SLC12A5: variants seen among roughly 807,000 people sequenced by gnomAD.
SLC12A5 encodes K-Cl cotransporter 2.
Under a neutral mutation model 124.0 loss-of-function variants are expected in SLC12A5, and 18 were observed. The ratio of observed to expected loss-of-function variants is 0.15; its 90% confidence interval spans 0.10 to 0.22. The LOEUF is 0.22. SLC12A5 is among the 10% of genes least tolerant of loss of function. The probability of loss-of-function intolerance (pLI) is 1.00; values close to 1 mark genes in which losing one functional copy is unlikely to be tolerated. For missense variants in SLC12A5, 867 were observed against 1,478.7 expected, an observed-to-expected ratio of 0.59 and a Z score of 6.78; for synonymous variants, 589 against 568.0, an observed-to-expected ratio of 1.04 and a Z score of -0.53.
chr20:46,052,366 C>G (rs1482350947), intron 18 of SLC12A5, among the ~76,000 whole-genome samples: 1 of 152,226 alleles, frequency 6.6e-6, no homozygotes, highest in Admixed American at 6.5e-5. Context: ...ATTGTTATCT[C>G]CATCTTTTTT....
At position 46,053,411 on chromosome 20, in the gene SLC12A5, C is replaced by A. The variant is rs1265099881; in HGVS notation, c.2548-167C>A. Among the ~76,000 whole-genome samples, 1 of 152,182 alleles carries A rather than the reference C, an allele frequency of 6.6e-6. No homozygotes were observed. The stretch of plus-strand genomic sequence containing the variant: ...TTAATGGGGGACCCTCAGACCTAAG[C>A]AGGGAAGGTTTTGTAGAGAGTGGCC... On this transcript the variant is annotated intron_variant, in intron 19 of 25. Transcript: ENST00000243964. This position sits in a 1 kb window ranked among gnomAD's most constrained non-coding sequence, Gnocchi z 4.7.
chr20:46,052,289 A>T (rs1024204400), intron 18 of SLC12A5, among the ~76,000 whole-genome samples: 5 of 152,248 alleles, frequency 3.3e-5, no homozygotes, highest in African/African-American at 1.2e-4. Context: ...CGTTTCTAGA[A>T]TGAGTTCTGT....
chr20:46,058,997 C>A lies in SLC12A5; in HGVS notation c.*1392C>A. ...CCTGTCTGCTCTCCTCTAACTAGGA[C>A]CCAGGGCCTTTGGCTTCCCCAGCTC... On this transcript the variant is annotated 3_prime_UTR_variant, in exon 26 of 26. Transcript: ENST00000243964. The surrounding 1 kb of genome is among the most constrained non-coding windows in gnomAD (Gnocchi z 5.8). 5.7e-6 allele frequency: 2 copies of A among 350,632 alleles called. No homozygotes were observed. The highest frequency in any genetic ancestry group is 1.0e-5 in the Non-Finnish European group (2 of 196,840). The allele number at this position is 350,632 out of a possible 1,614,324, so 21.7% of individuals were successfully genotyped here. A position where few individuals can be genotyped will look rare whatever the true frequency, so the allele number is the denominator to read the frequency against.
At position 46,045,191 on chromosome 20, in the gene SLC12A5, GC is replaced by G. The variant is rs1409680712; in HGVS notation, c.1569+54del. On this transcript the variant is annotated intron_variant, in intron 12 of 25. Coordinates refer to ENST00000243964, the MANE Select transcript of SLC12A5 (RefSeq NM_020708.5). The surrounding 1 kb of genome is among the most constrained non-coding windows in gnomAD (Gnocchi z 4.9). The stretch of plus-strand genomic sequence containing the variant: ...CCCTCAGTAGACCAGCCAGGCCCCT[GC>G]CCAGAGAGACCACACAGTGACCCAG... The G allele has an allele frequency of 6.6e-7, 1 of 1,515,070 alleles. No homozygotes were observed. The allele number at this position is 1,515,070 out of a possible 1,614,324, so 93.9% of individuals were successfully genotyped here.
At chr20:46,039,948 G>A (rs969508647) in intron 6 of SLC12A5, among the ~76,000 whole-genome samples, 2 of 152,130 alleles carry the variant, frequency 1.3e-5, no homozygotes, top group African/African-American at 4.8e-5. Context: ...TTATTAAAAT[G>A]ATAAATAATT....
At chr20:46,052,437 C>T (rs8115080) in intron 18 of SLC12A5, among the ~76,000 whole-genome samples, 3 of 152,330 alleles carry the variant, frequency 2.0e-5, no homozygotes, top group Admixed American at 6.5e-5. Context: ...CGGTGGCTCA[C>T]GCCTGTAATC....
At chr20:46,023,190 C>T in intron 2 of SLC12A5, 1 of 397,864 alleles carries the variant, frequency 2.5e-6, no homozygotes, top group Non-Finnish European at 4.4e-6. Flanking sequence ...TTCCGAATGG[C>T]CCCAGTCCCG....
chr20:46,039,730 G>A (rs931315589), intron 6 of SLC12A5, among the ~76,000 whole-genome samples: 53 of 151,748 alleles, frequency 3.5e-4, no homozygotes, highest in African/African-American at 1.3e-3. Context: ...AGCCAAGATC[G>A]TGCCACTGCA....
Position 46,043,868 on chromosome 20 carries a change from T to C in SLC12A5, c.1337-8T>C, listed in dbSNP as rs374330170. The C allele has an allele frequency of 5.3e-5, 86 of 1,613,574 alleles. No individual in the cohort carries two copies. In the Middle Eastern group the frequency reaches 6.6e-4, roughly 12 times the overall value. On this transcript the variant is annotated splice_region_variant and splice_polypyrimidine_tract_variant and intron_variant, in intron 10 of 25. Transcript: ENST00000243964. ...ACCGTGGGGATTCTCCTTTATCCTC[T>C]GCTGCAGACATCAGCTCCGTTGTTC...
At position 46,047,445 on chromosome 20, in the gene SLC12A5, C is replaced by T. The variant is rs773585521; in HGVS notation, c.1788-9C>T. The stretch of plus-strand genomic sequence containing the variant: ...GGGCTCAGAGGCTGGGTCTCCCCAC[C>T]TTGTCTAGGACCCTCTCCTTCCTGG... On this transcript the variant is annotated splice_polypyrimidine_tract_variant and intron_variant, in intron 14 of 25. Transcript: ENST00000243964. The T allele has an allele frequency of 1.6e-5, 26 of 1,612,996 alleles. No homozygotes were observed. The African/African-American group carries it at 1.9e-4, about 12-fold the overall frequency.
At chr20:46,029,013 T>G, upstream of SLC12A5, 7 of 640,136 alleles carry the variant, frequency 1.1e-5, no homozygotes, top group Non-Finnish European at 1.1e-5. Flanking sequence ...TCCCCCAGTT[T>G]TTGTGCAAGG....
exon 3 of SLC12A5, chr20:46,023,382 T>TC: frequency 2.5e-6 from 1 of 398,672 alleles, no homozygotes; most frequent in Non-Finnish European, 4.4e-6. Flanking sequence ...ATCCAACTGA[T>TC]CCCCACGTCT....
rs748456171 is a variant in SLC12A5 at position 46,041,588 on chromosome 20, G to A, written c.1066+48G>A. ...GCATCCAGGGAACGCTGCAGGGATT[G>A]TAGGTTAAGCGGTCAGGATTAAGGG... On this transcript the variant is annotated intron_variant, in intron 8 of 25. Transcript: ENST00000243964. 5.6e-6 allele frequency: 9 copies of A among 1,601,732 alleles called. 1 individual carries two copies. Among genetic ancestry groups the A allele is most frequent in the Non-Finnish European group, 6.0e-6 (7 of 1,172,260 alleles).
chr20:46,046,728 A>G (rs1166573619), intron 14 of SLC12A5, among the ~76,000 whole-genome samples: 1 of 152,232 alleles, frequency 6.6e-6, no homozygotes, highest in Non-Finnish European at 1.5e-5. Flanking sequence ...TCAGCTGGCC[A>G]GAGTTCAAAT....
chr20:46,030,512 G>A (rs2145476389), intron 1 of SLC12A5, among the ~76,000 whole-genome samples: 1 of 126,496 alleles, frequency 7.9e-6, no homozygotes, highest in East Asian at 2.2e-4. Context: ...ACGGCTGTCA[G>A]CCACCCCCAC....
At chr20:46,038,377 G>A (rs6104436) in intron 6 of SLC12A5, 12,365 of 151,904 alleles carry the variant, frequency 0.081, 1,424 homozygotes, top group African/African-American at 0.26. Context: ...TTTGTAGATA[G>A]GGGTCTCACT....
chr20:46,054,323 A>G (rs2084671743), intron 20 of SLC12A5, among the ~76,000 whole-genome samples: 1 of 152,238 alleles, frequency 6.6e-6, no homozygotes, highest in African/African-American at 2.4e-5. Context: ...TCTGCCATTG[A>G]CGCACATACA....
Position 46,034,742 on chromosome 20 carries a change from C to A in SLC12A5, c.53-206C>A, listed in dbSNP as rs561864020. Among the ~76,000 whole-genome samples the A allele has an allele frequency of 3.0e-4, 45 of 152,258 alleles. 2 individuals are homozygous for A. The highest frequency in any genetic ancestry group is 2.6e-3 in the Admixed American group (40 of 15,306). ...CAAGAGCAAGGAAGCACTCACACAT[C>A]TGTTAATACGCAGTGCATACCAGCT... On this transcript the variant is annotated intron_variant, in intron 1 of 25. Coordinates refer to ENST00000243964, the MANE Select transcript of SLC12A5 (RefSeq NM_020708.5).
chr20:46,044,754 G>A (rs751038395), intron 11 of SLC12A5: 1 of 594,010 alleles, frequency 1.7e-6, no homozygotes, highest in Non-Finnish European at 3.0e-6. Context: ...CTGGAGACAG[G>A]CCTAGAGGCC....
Sources: allele counts gnomAD v4.1 joint callset (sites outside exome capture counted in the v4.1 genomes callset), GRCh38; gene constraint gnomAD v4.1.1; non-coding constraint Gnocchi (gnomAD v3.1); transcripts MANE v1.5; gene names NCBI Gene and HGNC (gene_info 2026-07-23, HGNC 2026-07-21).